The following DSCAM variants were observed in gnomAD, a reference collection of about 807,000 sequenced individuals.
DSCAM encodes the protein cell adhesion molecule DSCAM.
DSCAM carries 47 observed loss-of-function variants against 217.7 expected under a neutral mutation model. The ratio of observed to expected loss-of-function variants is 0.22; its 90% confidence interval spans 0.17 to 0.28. The LOEUF is 0.28. Among genes scored for constraint, DSCAM ranks in the 10% least tolerant of loss-of-function variants. The pLI, the probability that DSCAM is intolerant of heterozygous loss-of-function variation, is 1.00. For missense variants in DSCAM, 2,080 were observed against 2,618.3 expected (o/e 0.79, Z 4.49); for synonymous variants, 1,056 against 1,015.3 (o/e 1.04, Z -0.76).
chr21:40,430,704 C>T (rs772154280), intron 3 of DSCAM, among the ~76,000 whole-genome samples: 6 of 152,208 alleles, frequency 3.9e-5, no homozygotes, highest in African/African-American at 9.6e-5. Context: ...GTTTTCAGGG[C>T]CCTGGCTCTA....
intron 1 of DSCAM, among the ~76,000 whole-genome samples, chr21:40,746,095 GAAAAA>G (rs1021997415): frequency 6.8e-6 from 1 of 147,216 alleles, no homozygotes; most frequent in Non-Finnish European, 1.5e-5. Context: ...CATACTACTA[GAAAAA>G]AAAAATCTCT....
At chr21:40,391,667 A>G (rs16999728) in intron 3 of DSCAM, among the ~76,000 whole-genome samples, 9,057 of 152,212 alleles carry the variant, frequency 0.06, 892 homozygotes, top group African/African-American at 0.2. Context: ...GTGCATGATG[A>G]TTTCTCCTAC....
intron 11 of DSCAM, among the ~76,000 whole-genome samples, chr21:40,227,297 T>C (rs2091341810): frequency 6.6e-6 from 1 of 152,134 alleles, no homozygotes; most frequent in Non-Finnish European, 1.5e-5. Flanking sequence ...AGAAGACAGG[T>C]GCATCCTGTG....
intron 1 of DSCAM, among the ~76,000 whole-genome samples, chr21:40,739,251 G>T (rs2091097605): frequency 1.3e-5 from 2 of 152,180 alleles, no homozygotes; most frequent in South Asian, 4.1e-4. Flanking sequence ...CAATGCTGGG[G>T]GGAGGTGGGG....
chr21:40,472,543 T>C (rs535924562), intron 3 of DSCAM, among the ~76,000 whole-genome samples: 10 of 152,326 alleles, frequency 6.6e-5, no homozygotes, highest in African/African-American at 2.2e-4. Flanking sequence ...GGAAAAATCA[T>C]AGTAAAACTT....
At chr21:40,655,606 C>A (rs913871428) in intron 3 of DSCAM, among the ~76,000 whole-genome samples, 1 of 151,988 alleles carries the variant, frequency 6.6e-6, no homozygotes, top group Non-Finnish European at 1.5e-5. Flanking sequence ...CCATGTCTGG[C>A]TAATTTTTTT....
intron 3 of DSCAM, among the ~76,000 whole-genome samples, chr21:40,521,547 T>C (rs1010340263): frequency 1.3e-5 from 2 of 148,564 alleles, no homozygotes; most frequent in African/African-American, 5.1e-5. Flanking sequence ...TGTTGTCCAT[T>C]TGTATATCTT....
intron 3 of DSCAM, among the ~76,000 whole-genome samples, chr21:40,649,519 T>C (rs536986930): frequency 6.6e-6 from 1 of 152,340 alleles, no homozygotes; most frequent in Non-Finnish European, 1.5e-5. Flanking sequence ...CCACATTGTT[T>C]TATGCTGGCT....
intron 3 of DSCAM, among the ~76,000 whole-genome samples, chr21:40,508,783 ATTTTTTTT>A (rs1178142732): frequency 1.2e-4 from 3 of 24,212 alleles, no homozygotes; most frequent in East Asian, 2.0e-3. Flanking sequence ...ATATATATAT[ATTTTTTTT>A]TTTTTTTTTT....
At chr21:40,516,884 A>C (rs2076304028) in intron 3 of DSCAM, among the ~76,000 whole-genome samples, 1 of 136,670 alleles carries the variant, frequency 7.3e-6, no homozygotes, top group African/African-American at 2.9e-5. Flanking sequence ...GCGCACACAC[A>C]CACCATATAT....
intron 28 of DSCAM, among the ~76,000 whole-genome samples, chr21:40,061,569 C>CTAA (rs2089121468): frequency 1.0e-4 from 9 of 86,364 alleles, no homozygotes; most frequent in Admixed American, 3.1e-4. Flanking sequence ...AACTCTGTCC[C>CTAA]AAAAAAAAAA....
intron 19 of DSCAM, among the ~76,000 whole-genome samples, chr21:40,127,342 GT>G (rs900716011): frequency 4.6e-5 from 7 of 152,194 alleles, no homozygotes; most frequent in African/African-American, 1.7e-4. Flanking sequence ...ATAGGATGGA[GT>G]AAAAAACGGT....
intron 3 of DSCAM, among the ~76,000 whole-genome samples, chr21:40,682,082 T>C (rs1277465091): frequency 2.0e-4 from 30 of 152,128 alleles, no homozygotes; most frequent in African/African-American, 7.0e-4. Flanking sequence ...TTTTTTTTTG[T>C]AGTCCTAGGA....
chr21:40,341,980 A>T (rs1244208566), intron 6 of DSCAM, among the ~76,000 whole-genome samples: 1 of 152,100 alleles, frequency 6.6e-6, no homozygotes, highest in Non-Finnish European at 1.5e-5. Flanking sequence ...AGTTGCTGAA[A>T]TTGGGTTTGT....
chr21:40,623,363 A>G (rs992285463), intron 3 of DSCAM, among the ~76,000 whole-genome samples: 2 of 152,222 alleles, frequency 1.3e-5, no homozygotes, highest in African/African-American at 4.8e-5. Context: ...AAGCACTTTG[A>G]TGTAGCAAAA....
chr21:40,591,116 G>T (rs910267839), intron 3 of DSCAM, among the ~76,000 whole-genome samples: 2 of 152,176 alleles, frequency 1.3e-5, no homozygotes, highest in African/African-American at 4.8e-5. Flanking sequence ...TTTTTTAGGT[G>T]TTTGGTAGAA....
rs150907843 is a variant in DSCAM at position 40,837,919 on chromosome 21, G to A, written c.43+8700C>T. On this transcript the variant is annotated intron_variant, in intron 1 of 32. Transcript: ENST00000400454. ...CAGTTATTAAAAATGCTCTACAGCCGAGATTAAAAAATAAACATGGCAATT... is the reference window on the plus strand; with the variant it reads ...CAGTTATTAAAAATGCTCTACAGCCAAGATTAAAAAATAAACATGGCAATT... 1.2e-3 allele frequency among the ~76,000 whole-genome samples: 189 copies of A among 152,244 alleles called. 2 individuals are homozygous for A. The East Asian group carries it at 0.032, about 25-fold the overall frequency.
intron 3 of DSCAM, among the ~76,000 whole-genome samples, chr21:40,403,373 T>C (rs571847687): frequency 5.9e-5 from 9 of 151,894 alleles, no homozygotes; most frequent in Non-Finnish European, 1.0e-4. Flanking sequence ...TCTCAGCTCA[T>C]TGCAACCTCT....
chr21:40,701,989 TTTTC>T (rs1601144599), intron 2 of DSCAM, among the ~76,000 whole-genome samples: 1 of 152,200 alleles, frequency 6.6e-6, no homozygotes, highest in East Asian at 1.9e-4. Flanking sequence ...TTCTTACTGA[TTTTC>T]TGTCTACTTC....
Sources: gnomAD v4.1 joint callset for allele counts (sites outside exome capture counted in the v4.1 genomes callset) on GRCh38, gnomAD v4.1.1 for gene constraint, MANE v1.5 for transcripts, NCBI Gene and HGNC (gene_info 2026-07-23, HGNC 2026-07-21) for gene names.